Variants in PCDH9 observed in about 807,000 individuals in gnomAD.
PCDH9 encodes the protein protocadherin 9.
PCDH9 carries 24 observed loss-of-function variants against 70.6 expected under a neutral mutation model. That is an observed-to-expected ratio of 0.34 (90% CI 0.25 to 0.48). The LOEUF is 0.48. PCDH9 is among the 20% of genes least tolerant of loss of function. The pLI is 0.99. For missense variants in PCDH9, 1,281 were observed against 1,503.6 expected, an observed-to-expected ratio of 0.85 and a Z score of 2.45; for synonymous variants, 562 against 558.5, an observed-to-expected ratio of 1.01 and a Z score of -0.09.
At chr13:66,505,726 A>G (rs1397533535) in intron 4 of PCDH9, among the ~76,000 whole-genome samples, 2 of 152,182 alleles carry the variant, frequency 1.3e-5, no homozygotes, top group African/African-American at 4.8e-5. Context: ...GGAAAGACCC[A>G]CCACTATGAT....
intron 2 of PCDH9, among the ~76,000 whole-genome samples, chr13:66,916,188 A>G (rs921064265): frequency 1.3e-5 from 2 of 151,708 alleles, no homozygotes; most frequent in African/African-American, 4.8e-5. Context: ...AAATTCAGAT[A>G]TATTCTCAAT....
At chr13:66,595,331 A>G (rs1370158716) in intron 4 of PCDH9, among the ~76,000 whole-genome samples, 1 of 151,726 alleles carries the variant, frequency 6.6e-6, no homozygotes, top group African/African-American at 2.4e-5. Flanking sequence ...CAATTAACCA[A>G]CACACATGAT....
chr13:67,015,127 T>C (rs1408246795), intron 2 of PCDH9, among the ~76,000 whole-genome samples: 1 of 152,134 alleles, frequency 6.6e-6, no homozygotes, highest in East Asian at 1.9e-4. Flanking sequence ...TCCTGGCTCC[T>C]CATTTACCAC....
intron 4 of PCDH9, among the ~76,000 whole-genome samples, chr13:66,565,376 T>A (rs1290984194): frequency 6.6e-6 from 1 of 152,192 alleles, no homozygotes; most frequent in Non-Finnish European, 1.5e-5. Context: ...CAATGTGCCC[T>A]CAAGATTCAC....
chr13:67,167,674 G>A (rs1169672277), intron 2 of PCDH9, among the ~76,000 whole-genome samples: 1 of 152,146 alleles, frequency 6.6e-6, no homozygotes, highest in African/African-American at 2.4e-5. Context: ...CATCTATCCA[G>A]ATTGAATTTA....
intron 2 of PCDH9, among the ~76,000 whole-genome samples, chr13:67,096,956 A>T (rs1364497266): frequency 6.6e-6 from 1 of 152,142 alleles, no homozygotes; most frequent in Non-Finnish European, 1.5e-5. Flanking sequence ...AAAATATTTT[A>T]AGAATTTTAA....
At chr13:66,568,605 G>A (rs995135931) in intron 4 of PCDH9, among the ~76,000 whole-genome samples, 9 of 151,232 alleles carry the variant, frequency 6.0e-5, no homozygotes, top group Non-Finnish European at 7.4e-5. Flanking sequence ...CCAGAAAGTC[G>A]AAGCTGCAGT....
chr13:67,121,112 A>G (rs1281513921), intron 2 of PCDH9, among the ~76,000 whole-genome samples: 2 of 152,218 alleles, frequency 1.3e-5, no homozygotes, highest in Non-Finnish European at 2.9e-5. Flanking sequence ...CGGGACAGAC[A>G]TATAAACAAA....
chr13:66,310,134 AAAATCACAAGTGC>A (rs1183618847), intron 4 of PCDH9, among the ~76,000 whole-genome samples: 1 of 151,992 alleles, frequency 6.6e-6, no homozygotes, highest in Non-Finnish European at 1.5e-5. Flanking sequence ...TGGTGTGTAT[AAAATCACAAGTGC>A]AAATAACACC....
intron 4 of PCDH9, among the ~76,000 whole-genome samples, chr13:66,442,791 G>C (rs1206300567): frequency 6.6e-6 from 1 of 152,082 alleles, no homozygotes; most frequent in African/African-American, 2.4e-5. Flanking sequence ...TCCTCACATA[G>C]TGCCATTTGT....
At chr13:66,380,453 C>T (rs1186944565) in intron 4 of PCDH9, among the ~76,000 whole-genome samples, 1 of 150,636 alleles carries the variant, frequency 6.6e-6, no homozygotes, top group Non-Finnish European at 1.5e-5. Flanking sequence ...CAAGACGAAA[C>T]TCCATGGTGA....
chr13:66,440,099 G>GT (rs1422610643), intron 4 of PCDH9, among the ~76,000 whole-genome samples: 1 of 152,142 alleles, frequency 6.6e-6, no homozygotes, highest in Non-Finnish European at 1.5e-5. Context: ...TCAATGAGTG[G>GT]TTTTTTATAG....
intron 3 of PCDH9, among the ~76,000 whole-genome samples, chr13:66,677,005 G>T (rs2078252616): frequency 6.6e-6 from 1 of 152,000 alleles, no homozygotes; most frequent in Admixed American, 6.6e-5. Flanking sequence ...CGGATTAAAA[G>T]TTTTTTTAGA....
chr13:67,062,827 AAT>A (rs1368169630), intron 2 of PCDH9, among the ~76,000 whole-genome samples: 2 of 152,136 alleles, frequency 1.3e-5, no homozygotes, highest in Non-Finnish European at 2.9e-5. Context: ...GGTCCTTTCT[AAT>A]ATGTTTCAGA....
At chr13:66,678,054 G>T (rs1245550996) in intron 3 of PCDH9, among the ~76,000 whole-genome samples, 3 of 152,038 alleles carry the variant, frequency 2.0e-5, no homozygotes, top group Admixed American at 1.3e-4. Context: ...ATCATGAACA[G>T]AATCTTCTGA....
intron 3 of PCDH9, among the ~76,000 whole-genome samples, chr13:66,740,857 C>T (rs1288307636): frequency 7.2e-6 from 1 of 138,414 alleles, no homozygotes; most frequent in Admixed American, 7.3e-5. Context: ...CAATAGTTTA[C>T]CAACCAAAAA....
intron 3 of PCDH9, among the ~76,000 whole-genome samples, chr13:66,793,220 C>T (rs923050351): frequency 1.3e-5 from 2 of 152,076 alleles, no homozygotes; most frequent in South Asian, 2.1e-4. Context: ...CTACAACTCA[C>T]TAAGCACTCC....
intron 2 of PCDH9, among the ~76,000 whole-genome samples, chr13:67,179,207 G>A (rs1237334694): frequency 6.6e-6 from 1 of 152,074 alleles, no homozygotes; most frequent in Non-Finnish European, 1.5e-5. Flanking sequence ...GGTGGAAACT[G>A]AGGTTTAGAG....
intron 4 of PCDH9, among the ~76,000 whole-genome samples, chr13:66,512,139 T>C (rs993934670): frequency 6.6e-6 from 1 of 152,078 alleles, no homozygotes; most frequent in Admixed American, 6.5e-5. Context: ...ATTCATACTT[T>C]TACATTTCTT....
Sources: gnomAD v4.1 joint callset for allele counts (sites outside exome capture counted in the v4.1 genomes callset) on GRCh38, gnomAD v4.1.1 for gene constraint, MANE v1.5 for transcripts, NCBI Gene and HGNC (gene_info 2026-07-23, HGNC 2026-07-21) for gene names.